Variants in NPIPB2 observed in about 807,000 individuals in gnomAD.
NPIPB2 encodes nuclear pore complex interacting protein family member B2.
A neutral mutation model predicts 30.8 loss-of-function variants in NPIPB2; 27 were observed. That is an observed-to-expected ratio of 0.88 (90% CI 0.65 to 1.21). The LOEUF (loss-of-function observed/expected upper bound fraction) is 1.21. NPIPB2 is among the 50% of genes most tolerant of loss of function. NPIPB2 has a pLI of 0.00. For synonymous variants in NPIPB2, 147 were observed against 162.0 expected, an observed-to-expected ratio of 0.91 and a Z score of 0.70; for missense variants, 440 against 446.2, an observed-to-expected ratio of 0.99 and a Z score of 0.13.
At position 11,936,324 on chromosome 16, in the gene NPIPB2, A is replaced by G. The variant is rs140467265; in HGVS notation, c.192+1216T>C. Among the ~76,000 whole-genome samples the G allele has an allele frequency of 1.6e-4, 25 of 152,150 alleles. No individual in the cohort carries two copies. The East Asian group carries it at 4.6e-3, about 28-fold the overall frequency. ...TCTTGAGGGTGAGAAAAGAAAAAAA[A>G]AAGAAAAAAGCTTCCTCCAATTTAT... On this transcript the variant is annotated intron_variant, in intron 2 of 7. Coordinates refer to ENST00000399147, the Ensembl canonical transcript of NPIPB2.
intron 1 of NPIPB2, among the ~76,000 whole-genome samples, chr16:11,960,633 C>T (rs994282378): frequency 2.6e-5 from 4 of 151,794 alleles, no homozygotes; most frequent in Admixed American, 6.6e-5. Context: ...GCTGGGATTA[C>T]AGGCATGAGC....
intron 1 of NPIPB2, among the ~76,000 whole-genome samples, chr16:11,959,069 C>A (rs907366009): frequency 2.6e-5 from 4 of 152,154 alleles, no homozygotes; most frequent in Non-Finnish European, 5.9e-5. Context: ...GGTGCTGGGG[C>A]TCGGGCCGTG....
chr16:11,936,912 T>C (rs1298953845), intron 2 of NPIPB2, among the ~76,000 whole-genome samples: 1 of 151,798 alleles, frequency 6.6e-6, no homozygotes, highest in African/African-American at 2.4e-5. Context: ...CTCGTCCCTA[T>C]GACCTCAGAG....
At chr16:11,953,812 A>C (rs894638670) in intron 1 of NPIPB2, among the ~76,000 whole-genome samples, 17 of 139,028 alleles carry the variant, frequency 1.2e-4, no homozygotes, top group Admixed American at 4.8e-4. Context: ...AGTAGCTGGG[A>C]TTACAGGCGC....
intron 1 of NPIPB2, chr16:11,967,668 T>G: frequency 6.2e-7 from 1 of 1,614,180 alleles, no homozygotes; most frequent in Admixed American, 1.7e-5. Flanking sequence ...GGTGGAAGAA[T>G]GCACCTGTGA....
chr16:11,975,141 CTT>C (rs1195309022), intron 1 of NPIPB2, among the ~76,000 whole-genome samples: 6 of 37,516 alleles, frequency 1.6e-4, no homozygotes, highest in Non-Finnish European at 2.1e-4. Flanking sequence ...AATCCATCAC[CTT>C]TTTTTTTTTT....
At chr16:11,943,297 C>T (rs76208645), upstream of NPIPB2, among the ~76,000 whole-genome samples, 6 of 152,006 alleles carry the variant, frequency 3.9e-5, no homozygotes, top group African/African-American at 9.7e-5. Context: ...CCAGCCTAGG[C>T]GACAGAGCGA....
At chr16:11,954,640 G>C (rs1257333922) in intron 1 of NPIPB2, among the ~76,000 whole-genome samples, 1 of 152,128 alleles carries the variant, frequency 6.6e-6, no homozygotes, top group African/African-American at 2.4e-5. Context: ...GGCTGTGGTG[G>C]CTCACGCCTC....
At chr16:11,961,011 C>T (rs1417321079) in intron 1 of NPIPB2, among the ~76,000 whole-genome samples, 6 of 151,798 alleles carry the variant, frequency 4.0e-5, no homozygotes, top group Admixed American at 1.3e-4. Flanking sequence ...GGATTATGCA[C>T]GCCACCACGC....
intron 1 of NPIPB2, among the ~76,000 whole-genome samples, chr16:11,963,015 A>C (rs1358469321): frequency 2.0e-5 from 3 of 152,062 alleles, no homozygotes; most frequent in Non-Finnish European, 1.5e-5. Context: ...TGCAGATCGC[A>C]CTACTGTACC....
chr16:11,958,664 C>T (rs560869844), intron 1 of NPIPB2, among the ~76,000 whole-genome samples: 3 of 152,046 alleles, frequency 2.0e-5, no homozygotes, highest in African/African-American at 4.8e-5. Flanking sequence ...TCACTTGGGC[C>T]GGGGAGGTTG....
intron 1 of NPIPB2, among the ~76,000 whole-genome samples, chr16:11,938,440 T>C (rs11643048): frequency 1.9e-4 from 29 of 151,832 alleles, no homozygotes; most frequent in Admixed American, 7.2e-4. Context: ...AAGTGATTCT[T>C]CTGCCTCAGC....
chr16:11,960,343 G>T (rs1056682662), intron 1 of NPIPB2, among the ~76,000 whole-genome samples: 3 of 148,432 alleles, frequency 2.0e-5, no homozygotes, highest in African/African-American at 7.4e-5. Context: ...GGCTTCCCAG[G>T]TATGGTTCCC....
intron 1 of NPIPB2, among the ~76,000 whole-genome samples, chr16:11,962,960 C>T (rs1170940943): frequency 3.3e-5 from 5 of 151,860 alleles, no homozygotes; most frequent in East Asian, 1.9e-4. Flanking sequence ...CCAGCTATTC[C>T]GGAAGCTGAG....
intron 1 of NPIPB2, among the ~76,000 whole-genome samples, chr16:11,954,497 G>GA (rs963713182): frequency 3.1e-4 from 46 of 146,194 alleles, no homozygotes; most frequent in African/African-American, 1.1e-3. Flanking sequence ...AAAAAAGAAA[G>GA]AAAAAAAAGA....
At position 11,950,307 on chromosome 16, in the gene NPIPB2, A is replaced by G. The variant is rs376010722; in HGVS notation, c.-583-8193T>C. Among the ~76,000 whole-genome samples the G allele has an allele frequency of 1.1e-4, 17 of 152,250 alleles. No homozygotes were observed. The East Asian group carries it at 1.4e-3, about 12-fold the overall frequency. ...CACCTCAGCCTCCCAAGGTGCTGGGATTACAGGCATGAGCCACCACGCCTA... is the reference window on the plus strand; with the variant it reads ...CACCTCAGCCTCCCAAGGTGCTGGGGTTACAGGCATGAGCCACCACGCCTA... On this transcript the variant is annotated intron_variant, in intron 1 of 5. Transcript: ENST00000538896.
At chr16:11,967,761 G>A in intron 1 of NPIPB2, 19 of 1,614,222 alleles carry the variant, frequency 1.2e-5, no homozygotes, top group Non-Finnish European at 1.6e-5. Flanking sequence ...AACCATTCTT[G>A]TCACCACGAA....
intron 1 of NPIPB2, among the ~76,000 whole-genome samples, chr16:11,959,375 A>T (rs947487578): frequency 6.6e-6 from 1 of 152,158 alleles, no homozygotes; most frequent in African/African-American, 2.4e-5. Flanking sequence ...TGAGGCCAGG[A>T]ATTCAAGACT....
chr16:11,958,616 C>T (rs1596503860), intron 1 of NPIPB2, among the ~76,000 whole-genome samples: 1 of 152,134 alleles, frequency 6.6e-6, no homozygotes, highest in East Asian at 1.9e-4. Context: ...TGGCATGTGC[C>T]TGCAGTCCCG....
Sources: gnomAD v4.1 joint callset for allele counts (sites outside exome capture counted in the v4.1 genomes callset) on GRCh38, gnomAD v4.1.1 for gene constraint, MANE v1.5 for transcripts, NCBI Gene and HGNC (gene_info 2026-07-23, HGNC 2026-07-21) for gene names.